Variants in GALNT5 observed in about 807,000 individuals in gnomAD.
GALNT5 encodes the protein UDP-GalNAc:polypeptide N-acetylgalactosaminyltransferase 5.
A neutral mutation model predicts 85.4 loss-of-function variants in GALNT5; 72 were observed. The ratio of observed to expected loss-of-function variants is 0.84; its 90% CI spans 0.70 to 1.03. GALNT5 has a LOEUF of 1.03. GALNT5 is among the 50% of genes least tolerant of loss of function. GALNT5 has a pLI of 0.00. For synonymous variants in GALNT5, 404 were observed against 397.0 expected (o/e 1.02, Z -0.21); for missense variants, 1,137 against 1,135.5 (o/e 1.00, Z -0.02).
rs1042412916 is a variant in GALNT5, at chr2:157,318,247, TG to T, written c.*6900del. ...AAAATATGCCAAAAGTATGATCCCA[TG>T]TAAATATGCAGAAACGATTGCTATG... is the stretch of plus-strand genomic sequence containing the variant. On this transcript the variant is annotated 3_prime_UTR_variant, in exon 10 of 10. Transcript: ENST00000259056. Among the ~76,000 whole-genome samples the T allele has an allele frequency of 2.0e-4, 30 of 152,164 alleles. No individual in the cohort carries two copies. Among genetic ancestry groups the T allele is most frequent in the African/African-American group, 7.2e-4 (30 of 41,468 alleles).
At chr2:157,272,802 A>G (rs918559699) in intron 1 of GALNT5, among the ~76,000 whole-genome samples, 5 of 152,184 alleles carry the variant, frequency 3.3e-5, no homozygotes, top group Non-Finnish European at 7.3e-5. Flanking sequence ...GGTTGATTAC[A>G]TGTCTTTGCT....
intron 1 of GALNT5, among the ~76,000 whole-genome samples, chr2:157,265,332 T>C (rs548154022): frequency 6.6e-6 from 1 of 152,270 alleles, no homozygotes; most frequent in East Asian, 1.9e-4. Flanking sequence ...ACTCTCCTTA[T>C]AACAAAGGGA....
intron 1 of GALNT5, among the ~76,000 whole-genome samples, chr2:157,261,932 C>T (rs1469795804): frequency 2.6e-5 from 4 of 151,066 alleles, no homozygotes; most frequent in African/African-American, 7.3e-5. Flanking sequence ...AATAAGTTTT[C>T]GAAGTCAGCA....
rs904634387 is a variant in GALNT5 at position 157,315,010 on chromosome 2, G to A, written c.*3662G>A. On this transcript the variant is annotated 3_prime_UTR_variant, in exon 10 of 10. Coordinates refer to ENST00000259056, the MANE Select transcript of GALNT5 (RefSeq NM_014568.3). ...GGAGAATTGCTTGTACCCGGGAGGT[G>A]GAGGTTGCAGTGAGCTGAAATTGCG... Among the ~76,000 whole-genome samples, 4 of 152,230 alleles carry A rather than the reference G, an allele frequency of 2.6e-5. No homozygotes were observed. In the South Asian group the frequency reaches 8.3e-4, roughly 32 times the overall value.
chr2:157,316,882 T>A lies in GALNT5; in HGVS notation c.*5534T>A, dbSNP rs140259850. 8.3e-3 allele frequency among the ~76,000 whole-genome samples: 1,264 copies of A among 152,152 alleles called. 16 individuals are homozygous for A. Among genetic ancestry groups the A allele is most frequent in the African/African-American group, 0.029 (1,198 of 41,554 alleles). The stretch of plus-strand genomic sequence containing the variant: ...TGAATCTTTGCTTTGTAAAAACACA[T>A]ACAAAACACAAGGGAAAATTCTCAT... On this transcript the variant is annotated 3_prime_UTR_variant, in exon 10 of 10. Coordinates refer to ENST00000259056, the MANE Select transcript of GALNT5 (RefSeq NM_014568.3).
chr2:157,260,544 T>C (rs1311297613), intron 1 of GALNT5, among the ~76,000 whole-genome samples: 1 of 152,230 alleles, frequency 6.6e-6, no homozygotes, highest in Admixed American at 6.5e-5. Flanking sequence ...TCAATATCTG[T>C]TAACTCAGTT....
At chr2:157,288,905 C>A (rs370767912) in intron 3 of GALNT5, among the ~76,000 whole-genome samples, 1 of 151,950 alleles carries the variant, frequency 6.6e-6, no homozygotes, top group African/African-American at 2.4e-5. Context: ...TAGGACTTGC[C>A]GTCAGATAAG....
At chr2:157,292,421 T>G (rs890053442) in intron 3 of GALNT5, among the ~76,000 whole-genome samples, 1 of 152,188 alleles carries the variant, frequency 6.6e-6, no homozygotes, top group African/African-American at 2.4e-5. Flanking sequence ...CACAGGAGGA[T>G]TCTCCTCTTC....
Position 157,258,176 on chromosome 2 carries a change from G to T in GALNT5, c.94G>T (p.Ala32Ser). 6.2e-7 allele frequency: 1 copy of T among 1,612,968 alleles called. No homozygotes were observed. Among genetic ancestry groups the T allele is most frequent in the Non-Finnish European group, 8.5e-7 (1 of 1,179,714 alleles). Residue 32 changes from alanine to serine, a missense_variant, in exon 1 of 10, where the codon GCT becomes TCT. Ala to Ser is a moderately conservative substitution (Grantham distance 99). Coordinates refer to ENST00000259056, the MANE Select transcript of GALNT5 (RefSeq NM_014568.3). Reference protein sequence around the residue: ...SVIWLLFDMAALRLSFSEINT... With the variant: ...SVIWLLFDMASLRLSFSEINT... Reference sequence around the variant, plus strand: ...CATCTGGCTCCTCTTTGACATGGCAGCTCTCCGCCTCTCATTCAGTGAGAT... The same window carrying T: ...CATCTGGCTCCTCTTTGACATGGCATCTCTCCGCCTCTCATTCAGTGAGAT...
At chr2:157,277,855 C>G (rs1454497263) in intron 1 of GALNT5, among the ~76,000 whole-genome samples, 1 of 152,160 alleles carries the variant, frequency 6.6e-6, no homozygotes, top group Non-Finnish European at 1.5e-5. Flanking sequence ...TGAATTTGAT[C>G]CTTTCATTAT....
At chr2:157,276,446 T>C (rs1682728882) in intron 1 of GALNT5, among the ~76,000 whole-genome samples, 1 of 152,198 alleles carries the variant, frequency 6.6e-6, no homozygotes, top group South Asian at 2.1e-4. Flanking sequence ...TGTGAATCCA[T>C]CTGGTCCTGG....
Position 157,311,641 on chromosome 2 carries a change from A to G in GALNT5, c.*293A>G. ...TGTGAAAGCTAACAGGTAACTGGAA[A>G]TGAAGACAGAAGGACTTGAGAAAGC... is the stretch of plus-strand genomic sequence containing the variant. On this transcript the variant is annotated 3_prime_UTR_variant, in exon 10 of 10. Coordinates refer to ENST00000259056, the MANE Select transcript of GALNT5 (RefSeq NM_014568.3). 1 of 225,388 alleles carries G rather than the reference A, an allele frequency of 4.4e-6. No homozygotes were observed. Among genetic ancestry groups the G allele is most frequent in the Non-Finnish European group, 8.5e-6 (1 of 116,964 alleles). The allele number at this position is 225,388 out of a possible 1,614,324, so 14.0% of individuals were successfully genotyped here.
At chr2:157,294,535 G>C (rs1031607354) in intron 3 of GALNT5, among the ~76,000 whole-genome samples, 18 of 152,170 alleles carry the variant, frequency 1.2e-4, no homozygotes, top group Admixed American at 3.3e-4. Context: ...AGTTAGGAAT[G>C]CAGACAGGCA....
intron 7 of GALNT5, 79 bp downstream of exon 7, chr2:157,301,078 T>A (rs2105163178): frequency 1.0e-6 from 1 of 991,210 alleles, no homozygotes; most frequent in East Asian, 2.4e-5. Flanking sequence ...GTGGAAAGAA[T>A]GAGTAATTAC....
At chr2:157,282,900 G>A (rs1042541260) in intron 1 of GALNT5, among the ~76,000 whole-genome samples, 1 of 152,194 alleles carries the variant, frequency 6.6e-6, no homozygotes, top group African/African-American at 2.4e-5. Context: ...ATTATGTACA[G>A]AATAGCACTT....
At position 157,286,091 on chromosome 2, in the gene GALNT5, T is replaced by A; in HGVS notation, c.1698T>A (p.His566Gln). 6.2e-7 allele frequency: 1 copy of A among 1,612,976 alleles called. No homozygotes were observed. Among genetic ancestry groups the A allele is most frequent in the Non-Finnish European group, 8.5e-7 (1 of 1,178,940 alleles). The change falls in exon 3 of 10, where the codon CAT becomes CAA. Residue 566 changes from histidine (H) to glutamine (Q), a missense_variant. Coordinates refer to ENST00000259056, the MANE Select transcript of GALNT5 (RefSeq NM_014568.3). The part of the protein sequence containing the change: ...KVRILRLKER[H>Q]GLIRARLAGA... ...GGATTCTTCGCCTCAAAGAGAGACA[T>A]GGCTTAATAAGGGCCAGGCTGGCAG...
chr2:157,272,936 GC>G (rs1682622974), intron 1 of GALNT5, among the ~76,000 whole-genome samples: 1 of 152,144 alleles, frequency 6.6e-6, no homozygotes. Flanking sequence ...CCTCCAAACT[GC>G]CTTCTACAGT....
In GALNT5 at chr2:157,308,701, A is replaced by G. The variant is rs1055682397; in HGVS notation, c.2655A>G (p.Lys885=). The change falls in exon 9 of 10, where the codon AAA becomes AAG. Residue 885 remains lysine (K), a synonymous_variant. Coordinates refer to ENST00000259056, the MANE Select transcript of GALNT5 (RefSeq NM_014568.3). The part of the protein sequence containing the change: ...NRNKGLKWLH[K]STSVFHPELV... ...ACAAAGGGCTAAAATGGCTGCATAA[A>G]TCAACATCAGTCTTTCATCCAGAAC... The G allele has an allele frequency of 1.9e-6, 3 of 1,613,042 alleles. No homozygotes were observed. Among genetic ancestry groups the G allele is most frequent in the East Asian group, 2.2e-5 (1 of 44,858 alleles).
At chr2:157,287,794 T>G (rs1158009873) in intron 3 of GALNT5, among the ~76,000 whole-genome samples, 2 of 152,222 alleles carry the variant, frequency 1.3e-5, no homozygotes, top group Non-Finnish European at 2.9e-5. Flanking sequence ...TGGGTTCATG[T>G]TCATACATTT....
Sources: gnomAD v4.1 joint callset for allele counts (sites outside exome capture counted in the v4.1 genomes callset) on GRCh38, gnomAD v4.1.1 for gene constraint, MANE v1.5 for transcripts, NCBI Gene and HGNC (gene_info 2026-07-23, HGNC 2026-07-21) for gene names.